DZIP3: variants seen among roughly 807,000 people sequenced by gnomAD.
DZIP3 encodes the protein DAZ interacting zinc finger protein 3.
DZIP3 carries 118 observed loss-of-function variants against 162.0 expected under a neutral mutation model. That is an observed-to-expected ratio of 0.73 (90% confidence interval 0.63 to 0.85). The LOEUF is 0.85. DZIP3 is among the 40% of genes least tolerant of loss of function. DZIP3 has a pLI of 0.00. For synonymous variants in DZIP3, 438 were observed against 458.6 expected (o/e 0.96, Z 0.57); for missense variants, 1,331 against 1,407.0 (o/e 0.95, Z 0.86).
intron 9 of DZIP3, among the ~76,000 whole-genome samples, chr3:108,633,375 T>C (rs1238214163): frequency 1.3e-5 from 2 of 151,890 alleles, no homozygotes; most frequent in Admixed American, 6.6e-5. Context: ...GTGAAAATGA[T>C]CTAAAAAATG....
At chr3:108,689,325 T>G (rs1944607483) in intron 31 of DZIP3, among the ~76,000 whole-genome samples, 1 of 152,184 alleles carries the variant, frequency 6.6e-6, no homozygotes, top group Non-Finnish European at 1.5e-5. Flanking sequence ...TCATAAAGCA[T>G]AAGATTTATC....
chr3:108,653,501 GTGTGTGTATATATATA>G (rs1333033555), intron 18 of DZIP3, among the ~76,000 whole-genome samples: 1 of 22,486 alleles, frequency 4.4e-5, no homozygotes, highest in African/African-American at 9.2e-5. Context: ...GCCATTGTGT[GTGTGTGTATATATATA>G]TATATATATA....
chr3:108,605,685 G>A (rs1940311564), intron 2 of DZIP3, among the ~76,000 whole-genome samples: 1 of 152,166 alleles, frequency 6.6e-6, no homozygotes. Flanking sequence ...AGCTCAGGTG[G>A]TAATGCTTGC....
intron 20 of DZIP3, 36 bp from the exon 21 acceptor site, chr3:108,662,094 A>G: frequency 6.3e-7 from 1 of 1,575,530 alleles, no homozygotes; most frequent in Non-Finnish European, 8.6e-7. Flanking sequence ...GGTGACTTGA[A>G]CATAATTATC....
chr3:108,611,564 T>C (rs1940708470), intron 4 of DZIP3, among the ~76,000 whole-genome samples: 2 of 152,184 alleles, frequency 1.3e-5, no homozygotes, highest in Admixed American at 1.3e-4. Context: ...GGTTGGTAGC[T>C]TGTAAGCTGT....
intron 30 of DZIP3, 29 bp from the exon 31 acceptor site, chr3:108,688,794 A>G (rs375605641): frequency 1.2e-6 from 2 of 1,614,038 alleles, no homozygotes; most frequent in Non-Finnish European, 1.7e-6. Flanking sequence ...ACAATGAGCT[A>G]AATTTAACAT....
At chr3:108,602,281 A>C (rs1180890889) in intron 1 of DZIP3, among the ~76,000 whole-genome samples, 1 of 152,224 alleles carries the variant, frequency 6.6e-6, no homozygotes, top group Admixed American at 6.5e-5. Context: ...ACAACTAAAA[A>C]AAATTGTTAA....
At chr3:108,647,408 G>T (rs1942676417) in intron 15 of DZIP3, among the ~76,000 whole-genome samples, 3 of 151,980 alleles carry the variant, frequency 2.0e-5, no homozygotes, top group South Asian at 2.1e-4. Flanking sequence ...GGGATAAAAT[G>T]CTGGACTCTC....
intron 1 of DZIP3, among the ~76,000 whole-genome samples, chr3:108,599,624 G>A (rs947043887): frequency 4.6e-5 from 7 of 152,138 alleles, no homozygotes; most frequent in African/African-American, 1.7e-4. Context: ...ACAGTGGACC[G>A]AATGTTTGTG....
chr3:108,659,925 T>C (rs1216923347), intron 19 of DZIP3, among the ~76,000 whole-genome samples: 1 of 152,070 alleles, frequency 6.6e-6, no homozygotes, highest in Non-Finnish European at 1.5e-5. Context: ...GGAATCCAAC[T>C]TACAAGGGAT....
chr3:108,682,887 A>G (rs1030106452), intron 26 of DZIP3, among the ~76,000 whole-genome samples: 1 of 150,914 alleles, frequency 6.6e-6, no homozygotes, highest in African/African-American at 2.5e-5. Flanking sequence ...ATGTACAATT[A>G]TGTGTCCATT....
chr3:108,692,325 C>T (rs1324829646), intron 32 of DZIP3, among the ~76,000 whole-genome samples: 1 of 152,150 alleles, frequency 6.6e-6, no homozygotes, highest in East Asian at 1.9e-4. Context: ...CTCAATCCTA[C>T]TTTCTTCTCT....
intron 1 of DZIP3, among the ~76,000 whole-genome samples, chr3:108,600,346 AT>A (rs11328757): frequency 0.29 from 43,078 of 148,568 alleles, 6,411 homozygotes; most frequent in East Asian, 0.45. Context: ...TTGTAATAGC[AT>A]TTTTTTTTTT....
At chr3:108,624,305 T>C (rs1941496003) in intron 5 of DZIP3, 139 bp from the exon 6 acceptor site, 1 of 565,416 alleles carries the variant, frequency 1.8e-6, no homozygotes, top group Non-Finnish European at 3.1e-6. Context: ...TTATCGTTAT[T>C]ATTAGATGAC....
intron 4 of DZIP3, among the ~76,000 whole-genome samples, chr3:108,613,030 T>G (rs1559726324): frequency 6.6e-6 from 1 of 152,158 alleles, no homozygotes; most frequent in Non-Finnish European, 1.5e-5. Context: ...GGTCTTTGAA[T>G]TTGTGTTTTA....
At chr3:108,628,825 A>G (rs1559739284) in intron 7 of DZIP3, among the ~76,000 whole-genome samples, 1 of 152,012 alleles carries the variant, frequency 6.6e-6, no homozygotes, top group East Asian at 1.9e-4. Context: ...CCCTTTAATT[A>G]CCATGGCCCC....
intron 19 of DZIP3, among the ~76,000 whole-genome samples, chr3:108,659,960 T>G (rs542511756): frequency 6.6e-6 from 1 of 152,026 alleles, no homozygotes; most frequent in African/African-American, 2.4e-5. Context: ...CAAGGAGAAC[T>G]ACAAACCACT....
At chr3:108,620,021 A>T (rs1941242681) in intron 5 of DZIP3, among the ~76,000 whole-genome samples, 1 of 152,202 alleles carries the variant, frequency 6.6e-6, no homozygotes. Context: ...TGGTTATACT[A>T]ACATCTAAGA....
intron 26 of DZIP3, 72 bp downstream of exon 26, chr3:108,677,670 A>C: frequency 7.8e-7 from 1 of 1,279,428 alleles, no homozygotes; most frequent in Non-Finnish European, 1.1e-6. Flanking sequence ...GAAACACTGA[A>C]TATGCAGTAT....
Sources: allele counts gnomAD v4.1 joint callset (sites outside exome capture counted in the v4.1 genomes callset), GRCh38; gene constraint gnomAD v4.1.1; transcripts MANE v1.5; gene names NCBI Gene and HGNC (gene_info 2026-07-23, HGNC 2026-07-21).